CFAP44: variants seen among roughly 807,000 people sequenced by gnomAD.
CFAP44 encodes cilia and flagella associated protein 44.
CFAP44 carries 134 observed loss-of-function variants against 216.2 expected under a neutral mutation model. The observed-to-expected ratio is 0.62, with a 90% CI of 0.54 to 0.72. The LOEUF (loss-of-function observed/expected upper bound fraction) is 0.72. Among genes scored for constraint, CFAP44 ranks in the 30% least tolerant of loss-of-function variants. The pLI is 0.00. For missense variants in CFAP44, 2,035 were observed against 2,182.1 expected, an observed-to-expected ratio of 0.93 and a Z score of 1.34; for synonymous variants, 700 against 727.6, an observed-to-expected ratio of 0.96 and a Z score of 0.61.
Position 113,406,922 on chromosome 3 carries a change from C to T in CFAP44, c.1005+5G>A. 2.5e-6 allele frequency: 4 copies of T among 1,603,834 alleles called. No individual in the cohort carries two copies. In the South Asian group the frequency reaches 4.4e-5, roughly 18 times the overall value. On this transcript the variant is annotated splice_donor_5th_base_variant and intron_variant, in intron 8 of 34. Transcript: ENST00000393845. Reference sequence around the variant, plus strand: ...TTAATATTGTAGAATAGTAGCTGTACTCACCTTCCCATCTGGGAGCTCCAT... The same window carrying T: ...TTAATATTGTAGAATAGTAGCTGTATTCACCTTCCCATCTGGGAGCTCCAT...
chr3:113,433,566 T>C lies in CFAP44; in HGVS notation c.99A>G (p.Arg33=). The C allele has an allele frequency of 3.1e-6, 5 of 1,600,034 alleles. No individual in the cohort carries two copies. The highest frequency in any genetic ancestry group is 2.2e-5 in the East Asian group (1 of 44,540). The change falls in exon 2 of 35, where the codon AGA becomes AGG. Residue 33 remains arginine (R), a splice_region_variant and synonymous_variant. Coordinates refer to ENST00000393845, the MANE Select transcript of CFAP44 (RefSeq NM_001164496.2). The part of the protein sequence containing the change: ...KSLRSSKSES[R]SPVQEDNTFL... ...AGTATACATATTATCTTTACTTACA[T>C]CTTGATTCTGATTTAGAAGACCTCA...
chr3:113,391,210 T>A (rs1265330440), intron 15 of CFAP44, among the ~76,000 whole-genome samples: 1 of 152,170 alleles, frequency 6.6e-6, no homozygotes, highest in Non-Finnish European at 1.5e-5. Context: ...TGAGCTCATT[T>A]TTGACAAAGA....
chr3:113,316,714 T>A (rs7632821), intron 28 of CFAP44, among the ~76,000 whole-genome samples: 133 of 151,548 alleles, frequency 8.8e-4, no homozygotes, highest in African/African-American at 3.1e-3. Context: ...ACTAAAAATA[T>A]AAAAATTAGC....
intron 2 of CFAP44, among the ~76,000 whole-genome samples, chr3:113,429,921 A>G (rs1042938256): frequency 2.6e-5 from 4 of 152,166 alleles, no homozygotes; most frequent in African/African-American, 9.6e-5. Flanking sequence ...TGATAGAACA[A>G]CTAGTCAAAA....
chr3:113,298,847 G>T (rs1397150221), intron 32 of CFAP44, among the ~76,000 whole-genome samples: 1 of 152,164 alleles, frequency 6.6e-6, no homozygotes, highest in East Asian at 1.9e-4. Context: ...GAGGAAAATG[G>T]GAGTTACTGT....
intron 18 of CFAP44, among the ~76,000 whole-genome samples, chr3:113,372,058 T>C (rs570415115): frequency 1.4e-4 from 22 of 152,260 alleles, no homozygotes; most frequent in Non-Finnish European, 2.8e-4. Flanking sequence ...AGAATGGCAC[T>C]CATTAAAAAG....
chr3:113,312,512 G>A (rs1460153426), intron 28 of CFAP44, among the ~76,000 whole-genome samples: 2 of 152,186 alleles, frequency 1.3e-5, no homozygotes, highest in East Asian at 1.9e-4. Flanking sequence ...ATTTGCATAA[G>A]TAAATTGAGG....
At chr3:113,294,232 G>A (rs1949858575) in intron 34 of CFAP44, 1 of 263,248 alleles carries the variant, frequency 3.8e-6, no homozygotes, top group Non-Finnish European at 7.5e-6. Flanking sequence ...ATGTTAGGCT[G>A]GCTAAATATT....
chr3:113,311,484 C>G (rs1453476721), intron 28 of CFAP44, among the ~76,000 whole-genome samples: 1 of 152,196 alleles, frequency 6.6e-6, no homozygotes, highest in East Asian at 1.9e-4. Flanking sequence ...CTTGCTGCCA[C>G]CATGTAAGAA....
intron 28 of CFAP44, 31 bp from the exon 29 acceptor site, chr3:113,308,299 G>A (rs1450840463): frequency 6.8e-7 from 1 of 1,474,222 alleles, no homozygotes; most frequent in Non-Finnish European, 9.0e-7. Flanking sequence ...TGTTAACAAA[G>A]AAGCTTCTAT....
intron 19 of CFAP44, 125 bp from the exon 20 acceptor site, chr3:113,363,657 A>T: frequency 1.2e-6 from 1 of 811,320 alleles, no homozygotes; most frequent in Non-Finnish European, 1.8e-6. Context: ...ATTTCTAATA[A>T]TTATAGGTCT....
intron 33 of CFAP44, 108 bp from the exon 34 acceptor site, chr3:113,294,929 CCATA>C: frequency 7.8e-7 from 1 of 1,278,044 alleles, no homozygotes; most frequent in Non-Finnish European, 1.0e-6. Context: ...AGCAATGTGC[CCATA>C]TGAAAATATA....
At position 113,326,322 on chromosome 3, in the gene CFAP44, C is replaced by T. The variant is rs1442264594; in HGVS notation, c.4516+123G>A. Reference sequence around the variant, plus strand: ...TATGTCTTCTCCTCTTTAGCCCCCACAGTGTCTCTACATTGTCCATGTTAT... The same window carrying T: ...TATGTCTTCTCCTCTTTAGCCCCCATAGTGTCTCTACATTGTCCATGTTAT... On this transcript the variant is annotated intron_variant, in intron 28 of 34. Transcript: ENST00000393845. 8 of 846,050 alleles carry T rather than the reference C, an allele frequency of 9.5e-6. No homozygotes were observed. The African/African-American group carries it at 1.2e-4, about 13-fold the overall frequency. 52.4% of individuals were successfully genotyped at this position (846,050 alleles called of 1,614,324 possible).
At chr3:113,395,926 A>G (rs1576588208) in intron 14 of CFAP44, 66 bp from the exon 15 acceptor site, 9 of 1,169,148 alleles carry the variant, frequency 7.7e-6, no homozygotes, top group Non-Finnish European at 1.1e-5. Context: ...AGATCACAAA[A>G]AAGCATGTAA....
chr3:113,433,906 G>A (rs1576611642), intron 1 of CFAP44: 1 of 327,344 alleles, frequency 3.1e-6, no homozygotes, highest in Admixed American at 4.4e-5. Context: ...TGTCATTGTG[G>A]TGCACTTTGG....
At chr3:113,439,800 G>C (rs1280480227) in intron 1 of CFAP44, among the ~76,000 whole-genome samples, 2 of 152,174 alleles carry the variant, frequency 1.3e-5, no homozygotes, top group Admixed American at 1.3e-4. Flanking sequence ...ATTCACCAGA[G>C]TCCAGGTTCT....
At chr3:113,382,979 T>C (rs377059555) in intron 15 of CFAP44, among the ~76,000 whole-genome samples, 173 of 152,366 alleles carry the variant, frequency 1.1e-3, no homozygotes, top group African/African-American at 3.9e-3. Context: ...TCATGGATTA[T>C]GTCCAGGCCA....
At chr3:113,324,285 T>C (rs1013883208) in intron 28 of CFAP44, among the ~76,000 whole-genome samples, 2 of 152,038 alleles carry the variant, frequency 1.3e-5, no homozygotes, top group African/African-American at 4.8e-5. Flanking sequence ...ATTACCCTGA[T>C]ACTAAAACCA....
intron 22 of CFAP44, among the ~76,000 whole-genome samples, chr3:113,346,304 T>TC (rs2107823638): frequency 6.6e-6 from 1 of 151,808 alleles, no homozygotes; most frequent in East Asian, 2.0e-4. Flanking sequence ...AATGCACCAA[T>TC]CAGCGCTCTG....
Sources: allele counts gnomAD v4.1 joint callset (sites outside exome capture counted in the v4.1 genomes callset), GRCh38; gene constraint gnomAD v4.1.1; transcripts MANE v1.5; gene names NCBI Gene and HGNC (gene_info 2026-07-23, HGNC 2026-07-21).